DOCK2: variants seen among roughly 807,000 people sequenced by gnomAD.
DOCK2 encodes dedicator of cytokinesis protein 2.
In DOCK2, 87 loss-of-function variants were observed where a neutral mutation model predicts 248.9. That is an observed-to-expected ratio of 0.35 (90% CI 0.29 to 0.42). DOCK2 has a LOEUF of 0.42. Ranked by LOEUF, DOCK2 falls within the 10% of genes least tolerant of loss-of-function variation. The pLI is 1.00. For synonymous variants in DOCK2, 805 were observed against 821.6 expected (o/e 0.98, Z 0.35); for missense variants, 1,747 against 2,300.2 (o/e 0.76, Z 4.92).
chr5:169,739,106 G>A (rs1763184267), intron 22 of DOCK2, among the ~76,000 whole-genome samples: 1 of 152,178 alleles, frequency 6.6e-6, no homozygotes, highest in African/African-American at 2.4e-5. Context: ...CACACCAAAT[G>A]TCAGGGCTCT....
intron 22 of DOCK2, among the ~76,000 whole-genome samples, chr5:169,736,686 C>T (rs1208316689): frequency 2.0e-5 from 3 of 152,184 alleles, no homozygotes; most frequent in African/African-American, 4.8e-5. Flanking sequence ...ACAAATTGCT[C>T]TTAAAGCCTG....
At chr5:169,678,254 T>A (rs1759449630) in intron 6 of DOCK2, among the ~76,000 whole-genome samples, 1 of 152,030 alleles carries the variant, frequency 6.6e-6, no homozygotes, top group East Asian at 1.9e-4. Context: ...GGTTACATCT[T>A]CAGTCTTGAG....
intron 22 of DOCK2, among the ~76,000 whole-genome samples, chr5:169,731,593 C>T (rs1034191975): frequency 1.3e-5 from 2 of 152,150 alleles, no homozygotes; most frequent in Non-Finnish European, 2.9e-5. Context: ...CCTTATTCCT[C>T]AAAGTAACAG....
intron 23 of DOCK2, among the ~76,000 whole-genome samples, chr5:169,748,273 G>T (rs1763719130): frequency 6.6e-6 from 1 of 151,998 alleles, no homozygotes; most frequent in Non-Finnish European, 1.5e-5. Context: ...CTAGTGTTTA[G>T]CTAGAATGAA....
At chr5:169,759,058 G>C (rs762860824) in intron 23 of DOCK2, among the ~76,000 whole-genome samples, 2 of 152,174 alleles carry the variant, frequency 1.3e-5, no homozygotes, top group East Asian at 3.8e-4. Flanking sequence ...TGCTATGCAG[G>C]GGGTGAGTGT....
chr5:170,041,453 G>A (rs1041667684), intron 37 of DOCK2, among the ~76,000 whole-genome samples: 4 of 152,196 alleles, frequency 2.6e-5, no homozygotes, highest in African/African-American at 4.8e-5. Context: ...CTTCTGTTGA[G>A]AACTTAGCTG....
intron 29 of DOCK2, among the ~76,000 whole-genome samples, chr5:169,986,413 G>T (rs944935354): frequency 6.6e-6 from 1 of 152,114 alleles, no homozygotes; most frequent in Admixed American, 6.5e-5. Flanking sequence ...TTTGCACATA[G>T]GATGTGCATT....
At chr5:169,875,822 TATC>T (rs1221410666) in intron 27 of DOCK2, 1 of 152,724 alleles carries the variant, frequency 6.5e-6, no homozygotes, top group Non-Finnish European at 1.5e-5. Context: ...CGTCAGCTGT[TATC>T]ATTGTAAAAA....
intron 27 of DOCK2, among the ~76,000 whole-genome samples, chr5:169,850,758 C>G (rs970311445): frequency 6.6e-6 from 1 of 152,162 alleles, no homozygotes; most frequent in Non-Finnish European, 1.5e-5. Context: ...AGATTCATAT[C>G]TCAATTTTCA....
rs191546240 is a variant in DOCK2, at chr5:170,047,423, T to C, written c.3967-87T>C. ...ACATGGCTCATTGGCTCTGGTATAA[T>C]GAAAATGTCTTCACCAAGGCCTCTT... On this transcript the variant is annotated intron_variant, in intron 39 of 51. Transcript: ENST00000520908. 28 of 1,172,100 alleles carry C rather than the reference T, an allele frequency of 2.4e-5. No homozygotes were observed. In the African/African-American group the frequency reaches 3.7e-4, roughly 15 times the overall value. The allele number at this position is 1,172,100 out of a possible 1,614,324, so 72.6% of individuals were successfully genotyped here.
chr5:169,656,713 T>C (rs1386838264), intron 2 of DOCK2, among the ~76,000 whole-genome samples: 1 of 152,190 alleles, frequency 6.6e-6, no homozygotes, highest in Non-Finnish European at 1.5e-5. Flanking sequence ...TGTCCTACAT[T>C]GTGAAATCCA....
At chr5:170,026,957 T>C (rs1755938655) in intron 33 of DOCK2, among the ~76,000 whole-genome samples, 1 of 152,176 alleles carries the variant, frequency 6.6e-6, no homozygotes, top group Non-Finnish European at 1.5e-5. Flanking sequence ...CTGGCTGATA[T>C]ATACACAGAT....
intron 27 of DOCK2, among the ~76,000 whole-genome samples, chr5:169,971,934 G>A (rs918025762): frequency 6.6e-5 from 10 of 152,106 alleles, no homozygotes; most frequent in African/African-American, 1.7e-4. Flanking sequence ...ATATGAAGCA[G>A]CAATTTCTCA....
intron 27 of DOCK2, among the ~76,000 whole-genome samples, chr5:169,962,724 A>C (rs1777142797): frequency 6.6e-6 from 1 of 152,174 alleles, no homozygotes. Context: ...TAACTCTTAG[A>C]GAGAAAGAGA....
intron 22 of DOCK2, among the ~76,000 whole-genome samples, chr5:169,719,849 T>G (rs1762098176): frequency 6.6e-6 from 1 of 151,464 alleles, no homozygotes; most frequent in Non-Finnish European, 1.5e-5. Flanking sequence ...TGGTGTGGAC[T>G]TGTTATTTTA....
intron 27 of DOCK2, among the ~76,000 whole-genome samples, chr5:169,960,827 T>A (rs1039760925): frequency 2.0e-5 from 3 of 152,350 alleles, no homozygotes; most frequent in Admixed American, 6.5e-5. Flanking sequence ...TGTGATGAAA[T>A]CCTACTCTCT....
intron 27 of DOCK2, among the ~76,000 whole-genome samples, chr5:169,910,385 C>T (rs572442087): frequency 2.6e-5 from 4 of 152,234 alleles, no homozygotes; most frequent in East Asian, 3.9e-4. Flanking sequence ...CAAGACAGTT[C>T]GATGGCAGAG....
intron 15 of DOCK2, 59 bp from the exon 16 acceptor site, chr5:169,711,876 G>A (rs1399205603): frequency 6.3e-7 from 1 of 1,584,220 alleles, no homozygotes; most frequent in Non-Finnish European, 8.7e-7. Context: ...GTGTAGGGGG[G>A]TGCAGTGGGG....
chr5:169,942,643 G>A (rs1776285725), intron 27 of DOCK2, among the ~76,000 whole-genome samples: 1 of 152,208 alleles, frequency 6.6e-6, no homozygotes, highest in African/African-American at 2.4e-5. Context: ...CTTATGAGTT[G>A]AGGATGCAGG....
Sources: gnomAD v4.1 joint callset for allele counts (sites outside exome capture counted in the v4.1 genomes callset) on GRCh38, gnomAD v4.1.1 for gene constraint, MANE v1.5 for transcripts, NCBI Gene and HGNC (gene_info 2026-07-23, HGNC 2026-07-21) for gene names.